The following TGIF2 variants were observed in gnomAD, a reference collection of about 807,000 sequenced individuals.
TGIF2 encodes the protein homeobox protein TGIF2.
In TGIF2, 5 loss-of-function variants were observed where a neutral mutation model predicts 15.1. The observed-to-expected ratio is 0.33, with a 90% CI of 0.17 to 0.70. The LOEUF is 0.70. TGIF2 is among the 30% of genes least tolerant of loss of function. The probability of loss-of-function intolerance (pLI) is 0.67; values close to 1 mark genes in which losing one functional copy is unlikely to be tolerated. For missense variants in TGIF2, 264 were observed against 302.5 expected, an observed-to-expected ratio of 0.87 and a Z score of 0.94; for synonymous variants, 131 against 128.9, an observed-to-expected ratio of 1.02 and a Z score of -0.11.
chr20:36,592,385 ATTTT>A lies in TGIF2; in HGVS notation c.*961_*964del, dbSNP rs113760296. The A allele has an allele frequency of 6.7e-6, 1 of 149,284 alleles. No homozygotes were observed. The highest frequency in any genetic ancestry group is 2.5e-5 in the African/African-American group (1 of 40,606). 9.2% of individuals were successfully genotyped at this position (149,284 alleles called of 1,614,324 possible). On this transcript the variant is annotated 3_prime_UTR_variant, in exon 3 of 3. Transcript: ENST00000373872. ...GAAGTAAACTAGACTGAAGCGATGG[ATTTT>A]TTTTTTCTTTTTTTTCTTTAGTGTT...
rs766258942 is a variant in TGIF2 at position 36,591,263 on chromosome 20, G to A, written c.546G>A (p.Thr182=). The change falls in exon 3 of 3, where the codon ACG becomes ACA. Residue 182 remains threonine (T), a synonymous_variant. Coordinates refer to ENST00000373872, the MANE Select transcript of TGIF2 (RefSeq NM_021809.7). This position sits in a 1 kb window ranked among gnomAD's most constrained non-coding sequence, Gnocchi z 5.3. Reference sequence around the variant, plus strand: ...GCCCCACAGGTGGACTCTTCAACACGCCACCACCCACACCCCCAGAGCAGG... The same window carrying A: ...GCCCCACAGGTGGACTCTTCAACACACCACCACCCACACCCCCAGAGCAGG... ...AGSPTGGLFN[T]PPPTPPEQDK... 7 of 1,614,168 alleles carry A rather than the reference G, an allele frequency of 4.3e-6. No homozygotes were observed. Among genetic ancestry groups the A allele is most frequent in the South Asian group, 3.3e-5 (3 of 91,086 alleles).
intron 2 of TGIF2, among the ~76,000 whole-genome samples, chr20:36,580,339 G>A (rs1000416318): frequency 6.6e-6 from 1 of 152,128 alleles, no homozygotes; most frequent in Non-Finnish European, 1.5e-5. Context: ...GTCTCTGTAT[G>A]AGAAAGGCTC....
At chr20:36,590,819 A>T in intron 2 of TGIF2, 91 bp from the exon 3 acceptor site, 2 of 1,400,518 alleles carry the variant, frequency 1.4e-6, no homozygotes, top group Non-Finnish European at 1.9e-6. Context: ...TTGGCCACCC[A>T]AAGTGTTGGG....
intron 2 of TGIF2, among the ~76,000 whole-genome samples, chr20:36,589,330 A>G (rs573007715): frequency 1.9e-4 from 29 of 152,274 alleles, no homozygotes; most frequent in Admixed American, 1.0e-3. Context: ...CCAGGCACTC[A>G]AATAATATTT....
rs760964987 is a variant in TGIF2 at position 36,578,769 on chromosome 20, G to A, written c.-6G>A. ...TACCCAAGGTCCAGCCTAGCCCCTA[G>A]GCACCATGTCGGACAGTGATCTAGG... On this transcript the variant is annotated 5_prime_UTR_variant, in exon 2 of 3. Transcript: ENST00000373872. 2 of 1,608,696 alleles carry A rather than the reference G, an allele frequency of 1.2e-6. No individual in the cohort carries two copies. The highest frequency in any genetic ancestry group is 1.7e-6 in the Non-Finnish European group (2 of 1,177,034).
upstream of TGIF2, chr20:36,573,515 T>C (rs1253148868): frequency 3.5e-5 from 5 of 142,756 alleles, no homozygotes; most frequent in African/African-American, 1.3e-4. Flanking sequence ...CTCGTCGCGC[T>C]CCGCACAAAG....
At chr20:36,579,194 C>A (rs1393709434) in intron 2 of TGIF2, among the ~76,000 whole-genome samples, 2 of 151,862 alleles carry the variant, frequency 1.3e-5, no homozygotes, top group East Asian at 3.9e-4. Context: ...TTTTTTGAGA[C>A]GGAGTCTTGC....
intron 2 of TGIF2, among the ~76,000 whole-genome samples, chr20:36,580,833 A>C (rs900221441): frequency 6.0e-5 from 9 of 148,964 alleles, no homozygotes; most frequent in African/African-American, 1.0e-4. Flanking sequence ...AAAAAAAAAA[A>C]AAAAAACAAG....
chr20:36,580,855 T>TG (rs1164756786), intron 2 of TGIF2, among the ~76,000 whole-genome samples: 3 of 135,536 alleles, frequency 2.2e-5, no homozygotes, highest in Non-Finnish European at 4.6e-5. Flanking sequence ...CCAGGCACGG[T>TG]GGCTCACACT....
chr20:36,583,901 AAG>A (rs946899000), intron 2 of TGIF2, among the ~76,000 whole-genome samples: 2 of 152,040 alleles, frequency 1.3e-5, no homozygotes, highest in African/African-American at 4.8e-5. Flanking sequence ...TGTCTCAAAA[AAG>A]AAAAGAAAAA....
intron 1 of TGIF2, among the ~76,000 whole-genome samples, chr20:36,578,428 A>AG (rs2038475933): frequency 6.6e-6 from 1 of 151,736 alleles, no homozygotes; most frequent in African/African-American, 2.4e-5. Flanking sequence ...AAAAAAAAAA[A>AG]GAAAAGAAAA....
intron 2 of TGIF2, among the ~76,000 whole-genome samples, chr20:36,588,106 G>A (rs2038696191): frequency 6.6e-6 from 1 of 151,598 alleles, no homozygotes; most frequent in Admixed American, 6.6e-5. Flanking sequence ...AAGCAGTGGA[G>A]GCCCTAAAGC....
intron 1 of TGIF2, among the ~76,000 whole-genome samples, chr20:36,576,602 C>A (rs779419933): frequency 6.6e-6 from 1 of 151,998 alleles, no homozygotes; most frequent in Non-Finnish European, 1.5e-5. Flanking sequence ...TCCTTTACAG[C>A]TTTATTGAGA....
intron 2 of TGIF2, among the ~76,000 whole-genome samples, chr20:36,580,258 G>T (rs1394022038): frequency 1.3e-5 from 2 of 152,110 alleles, no homozygotes; most frequent in Admixed American, 6.6e-5. Flanking sequence ...TCCATGTAGA[G>T]ACATGGTAAG....
At chr20:36,579,249 G>A (rs1177678668) in intron 2 of TGIF2, among the ~76,000 whole-genome samples, 1 of 152,120 alleles carries the variant, frequency 6.6e-6, no homozygotes, top group Admixed American at 6.6e-5. Context: ...TCGGCTCACT[G>A]CAACCTCCGC....
intron 1 of TGIF2, among the ~76,000 whole-genome samples, chr20:36,576,913 C>T (rs1239462546): frequency 6.6e-6 from 1 of 152,190 alleles, no homozygotes; most frequent in Non-Finnish European, 1.5e-5. Flanking sequence ...CCGTGTTGCC[C>T]AGGCTGGTCT....
At chr20:36,583,269 CA>C (rs113049516) in intron 2 of TGIF2, among the ~76,000 whole-genome samples, 4,560 of 132,652 alleles carry the variant, frequency 0.034, 222 homozygotes, top group African/African-American at 0.12. Context: ...AAAACTGTCT[CA>C]AAAAAAAAAA....
chr20:36,586,038 T>TGTA (rs1037958229), intron 2 of TGIF2, among the ~76,000 whole-genome samples: 24 of 152,296 alleles, frequency 1.6e-4, no homozygotes, highest in African/African-American at 5.5e-4. Flanking sequence ...GTGCAGAGGC[T>TGTA]GTAGTGGTCA....
chr20:36,590,977 A>G lies in TGIF2; in HGVS notation c.260A>G (p.Asp87Gly). ...GACATGCTTCGGAAGGATGGCAAAG[A>G]CCCTAATCAGTTTACCATTTCCCGC... ...LPDMLRKDGK[D>G]PNQFTISRRG... Residue 87 changes from aspartate (D) to glycine (G), a missense_variant, in exon 3 of 3, where the codon GAC (aspartate) becomes GGC (glycine). Coordinates refer to ENST00000373872, the MANE Select transcript of TGIF2 (RefSeq NM_021809.7). 1 of 1,561,126 alleles carries G rather than the reference A, an allele frequency of 6.4e-7. No homozygotes were observed. The highest frequency in any genetic ancestry group is 2.3e-5 in the East Asian group (1 of 44,102).
Sources: gnomAD v4.1 joint callset for allele counts (sites outside exome capture counted in the v4.1 genomes callset) on GRCh38, gnomAD v4.1.1 for gene constraint, Gnocchi (gnomAD v3.1) non-coding constraint, MANE v1.5 for transcripts, NCBI Gene and HGNC (gene_info 2026-07-23, HGNC 2026-07-21) for gene names.